Variants in PANX1 observed in about 807,000 individuals in gnomAD.
PANX1 encodes pannexin-1.
A neutral mutation model predicts 38.7 loss-of-function variants in PANX1; 30 were observed. That is an observed-to-expected ratio of 0.78 (90% CI 0.58 to 1.05). The LOEUF is 1.05. Ranked by LOEUF, PANX1 falls within the 50% of genes least tolerant of loss-of-function variation. The probability of loss-of-function intolerance (pLI) is 0.00; values close to 1 mark genes in which losing one functional copy is unlikely to be tolerated. For synonymous variants in PANX1, 230 were observed against 212.2 expected, an observed-to-expected ratio of 1.08 and a Z score of -0.73; for missense variants, 551 against 517.2, an observed-to-expected ratio of 1.07 and a Z score of -0.63.
chr11:94,172,104 A>C (rs1947176947), intron 2 of PANX1, among the ~76,000 whole-genome samples: 1 of 151,656 alleles, frequency 6.6e-6, no homozygotes, highest in African/African-American at 2.4e-5. Context: ...GGTTGGAGGA[A>C]TCCTCTGAGG....
intron 2 of PANX1, among the ~76,000 whole-genome samples, chr11:94,166,742 C>G (rs1206006700): frequency 1.3e-5 from 2 of 152,142 alleles, no homozygotes; most frequent in African/African-American, 4.8e-5. Flanking sequence ...AGCCTGATAT[C>G]TAAGTTGCAA....
intron 2 of PANX1, among the ~76,000 whole-genome samples, chr11:94,161,287 G>T (rs1377563391): frequency 1.3e-5 from 2 of 152,160 alleles, no homozygotes; most frequent in African/African-American, 4.8e-5. Flanking sequence ...GCTAGATTGG[G>T]GAAGTTCTCC....
At chr11:94,150,510 A>G (rs1946871368) in intron 1 of PANX1, among the ~76,000 whole-genome samples, 1 of 152,196 alleles carries the variant, frequency 6.6e-6, no homozygotes, top group Non-Finnish European at 1.5e-5. Context: ...GAAAAAATGA[A>G]TCCGGATGGT....
At chr11:94,171,218 A>G (rs1947162629) in intron 2 of PANX1, among the ~76,000 whole-genome samples, 1 of 151,384 alleles carries the variant, frequency 6.6e-6, no homozygotes. Flanking sequence ...TTCCATCTCC[A>G]TCATGAGTTC....
At chr11:94,156,307 T>C (rs1946948167) in intron 2 of PANX1, among the ~76,000 whole-genome samples, 1 of 152,198 alleles carries the variant, frequency 6.6e-6, no homozygotes, top group Admixed American at 6.5e-5. Flanking sequence ...TTAAGTTACC[T>C]GGTATTAATG....
At position 94,153,491 on chromosome 11, in the gene PANX1, G is replaced by A; in HGVS notation, c.182G>A (p.Gly61Asp). The A allele has an allele frequency of 6.2e-7, 1 of 1,614,076 alleles. No individual in the cohort carries two copies. ...GGAAACTATCTGTTTTGCTTCTTAG[G>A]TACACAGATAAGCTGTTTCTCTCCA... ...SLAFAQEISI[G>D]TQISCFSPSS... Residue 61 changes from glycine to aspartate, a missense_variant and splice_region_variant, in exon 2 of 5, where the codon GGT (glycine) becomes GAT (aspartate). Physicochemically the swap from Gly to Asp is moderately conservative, Grantham distance 94. Transcript: ENST00000227638.
intron 1 of PANX1, among the ~76,000 whole-genome samples, chr11:94,150,926 A>C (rs1422052251): frequency 6.6e-6 from 1 of 152,178 alleles, no homozygotes; most frequent in Non-Finnish European, 1.5e-5. Flanking sequence ...GTGGCCTTGC[A>C]GGGGTGACTG....
chr11:94,152,962 T>C (rs917077950), intron 1 of PANX1, among the ~76,000 whole-genome samples: 4 of 152,178 alleles, frequency 2.6e-5, no homozygotes, highest in East Asian at 1.9e-4. Flanking sequence ...GTTTCTTCTT[T>C]AGTGTTACAG....
chr11:94,132,232 A>G (rs144134848), intron 1 of PANX1, among the ~76,000 whole-genome samples: 86 of 152,368 alleles, frequency 5.6e-4, no homozygotes, highest in African/African-American at 2.0e-3. Flanking sequence ...CACGTAGGAC[A>G]TAAGAATCTT....
intron 2 of PANX1, among the ~76,000 whole-genome samples, chr11:94,157,048 G>C (rs1385955113): frequency 6.6e-6 from 1 of 152,074 alleles, no homozygotes; most frequent in Admixed American, 6.6e-5. Flanking sequence ...CCCTACAAAG[G>C]ACATGAACTC....
rs1315634251 is a variant in PANX1, at chr11:94,142,404, T to A, written c.182-11087T>A. On this transcript the variant is annotated intron_variant, in intron 1 of 4. Coordinates refer to ENST00000227638, the MANE Select transcript of PANX1 (RefSeq NM_015368.4). ...CCCTCCTTGCCTTTACTCATAAATTTAAGTCTGGACTTCCCAGTCTGTCAC... is the reference window on the plus strand; with the variant it reads ...CCCTCCTTGCCTTTACTCATAAATTAAAGTCTGGACTTCCCAGTCTGTCAC... 4.6e-5 allele frequency among the ~76,000 whole-genome samples: 7 copies of A among 152,268 alleles called. No homozygotes were observed. In the East Asian group the frequency reaches 1.4e-3, roughly 29 times the overall value.
At position 94,129,369 on chromosome 11, in the gene PANX1, G is replaced by C; in HGVS notation, c.57G>C (p.Glu19Asp). 1.2e-6 allele frequency: 2 copies of C among 1,613,954 alleles called. No individual in the cohort carries two copies. The highest frequency in any genetic ancestry group is 1.1e-5 in the South Asian group (1 of 91,028). The change falls in exon 1 of 5, where the codon GAG becomes GAC. Residue 19 changes from glutamate (E) to aspartate (D), a missense_variant. By Grantham distance (45) the Glu-to-Asp change is conservative. Coordinates refer to ENST00000227638, the MANE Select transcript of PANX1 (RefSeq NM_015368.4). The stretch of plus-strand genomic sequence containing the variant: ...TGTTCTCGGATTTCTTGCTGAAGGA[G>C]CCCACGGAGCCCAAGTTCAAGGGGC... Reference protein sequence around the residue: ...EYVFSDFLLKEPTEPKFKGLR... With the variant: ...EYVFSDFLLKDPTEPKFKGLR...
chr11:94,142,796 T>C (rs1946778715), intron 1 of PANX1, among the ~76,000 whole-genome samples: 1 of 152,248 alleles, frequency 6.6e-6, no homozygotes, highest in African/African-American at 2.4e-5. Flanking sequence ...ACAGTTGAGC[T>C]GAGTGCCTTA....
intron 2 of PANX1, among the ~76,000 whole-genome samples, chr11:94,161,904 A>G (rs1397797694): frequency 6.6e-6 from 1 of 152,042 alleles, no homozygotes; most frequent in Non-Finnish European, 1.5e-5. Context: ...TTTGGTGTGG[A>G]TGTCCTTTCT....
In PANX1 at chr11:94,179,708, C is replaced by A; in HGVS notation, c.652C>A (p.Leu218Met). 6.2e-7 allele frequency: 1 copy of A among 1,613,838 alleles called. No homozygotes were observed. Among genetic ancestry groups the A allele is most frequent in the Non-Finnish European group, 8.5e-7 (1 of 1,179,874 alleles). ...AATCATCAAGTACATTAGCTGCCGC[C>A]TGCTGACACTCATCATTATACTGTT... ...NLIIKYISCR[L>M]LTLIIILLAC... The change falls in exon 4 of 5, where the codon CTG becomes ATG. Residue 218 changes from leucine (L) to methionine (M), a missense_variant. Transcript: ENST00000227638.
intron 2 of PANX1, among the ~76,000 whole-genome samples, chr11:94,156,880 C>T (rs1056679884): frequency 1.3e-5 from 2 of 151,910 alleles, no homozygotes; most frequent in African/African-American, 4.8e-5. Context: ...TCCCCACTCC[C>T]CCCACCCAAA....
At chr11:94,177,035 A>G (rs1243932515) in intron 2 of PANX1, among the ~76,000 whole-genome samples, 2 of 151,680 alleles carry the variant, frequency 1.3e-5, no homozygotes, top group South Asian at 2.1e-4. Flanking sequence ...TTTTCCATCA[A>G]TTATCTCCTT....
intron 1 of PANX1, among the ~76,000 whole-genome samples, chr11:94,147,666 C>T (rs72970792): frequency 0.11 from 16,728 of 152,158 alleles, 958 homozygotes; most frequent in Admixed American, 0.14. Flanking sequence ...AGATAAGCCT[C>T]GCAGGTTCCC....
intron 2 of PANX1, among the ~76,000 whole-genome samples, chr11:94,162,604 G>C (rs990403871): frequency 1.3e-5 from 2 of 152,262 alleles, no homozygotes; most frequent in Admixed American, 1.3e-4. Flanking sequence ...TGATTTTCCA[G>C]GTGCCATCTT....
Sources: gnomAD v4.1 joint callset for allele counts (sites outside exome capture counted in the v4.1 genomes callset) on GRCh38, gnomAD v4.1.1 for gene constraint, MANE v1.5 for transcripts, NCBI Gene and HGNC (gene_info 2026-07-23, HGNC 2026-07-21) for gene names.